SYNE2: variants seen among roughly 807,000 people sequenced by gnomAD.
The protein encoded by SYNE2 is nesprin-2.
SYNE2 carries 431 observed loss-of-function variants against 856.3 expected under a neutral mutation model. The ratio of observed to expected loss-of-function variants is 0.50; its 90% CI spans 0.47 to 0.55. The LOEUF is 0.55. Ranked by LOEUF, SYNE2 falls within the 20% of genes least tolerant of loss-of-function variation. The pLI is 0.00. For synonymous variants in SYNE2, 2,923 were observed against 2,872.3 expected, an observed-to-expected ratio of 1.02 and a Z score of -0.56; for missense variants, 8,129 against 8,023.2, an observed-to-expected ratio of 1.01 and a Z score of -0.50.
intron 94 of SYNE2, among the ~76,000 whole-genome samples, 154 bp from the exon 95 acceptor site, chr14:64,174,790 A>ATG (rs1417697822): frequency 6.6e-6 from 1 of 152,152 alleles, no homozygotes; most frequent in Admixed American, 6.5e-5. Flanking sequence ...TTAGCTTTTG[A>ATG]TGTGTGTGTG....
chr14:64,142,065 A>C lies in SYNE2; in HGVS notation c.15283A>C (p.Lys5095Gln). The change falls in exon 82 of 116, where the codon AAA becomes CAA. Residue 5095 changes from lysine (K) to glutamine (Q), a missense_variant. Physicochemically the swap from Lys to Gln is moderately conservative, Grantham distance 53 (BLOSUM62 1). This residue lies in a region of SYNE2 where 5,410 missense variants were observed against 5,284.8 expected (regional missense o/e 1.02). Transcript: ENST00000555002. ...TTCACCAAGTTCTGCATCTCAAGTT[A>C]AACATCTTCTTCAGAAGCACAAGGT... ...VHSPSSASQV[K>Q]HLLQKHKEFR... 1 of 1,614,156 alleles carries C rather than the reference A, an allele frequency of 6.2e-7. No homozygotes were observed. The highest frequency in any genetic ancestry group is 1.1e-5 in the South Asian group (1 of 91,080).
At chr14:63,922,000 G>A (rs1231352677) in intron 2 of SYNE2, among the ~76,000 whole-genome samples, 2 of 152,130 alleles carry the variant, frequency 1.3e-5, no homozygotes, top group East Asian at 1.9e-4. Flanking sequence ...TTCAATAGAT[G>A]TTTTGTTTTA....
Position 64,208,802 on chromosome 14 carries a change from C to T in SYNE2, c.18246C>T (p.Ser6082=), listed in dbSNP as rs371505187. Residue 6082 remains serine (S), a synonymous_variant, in exon 101 of 116, where the codon TCC becomes TCT. Coordinates refer to ENST00000555002, the MANE Select transcript of SYNE2 (RefSeq NM_182914.3). ...AACAACACAGCGCAGGGGTGGAGTC[C>T]GTGTTTAACATCTGTGACGTCCTAC... ...DIEQHSAGVE[S]VFNICDVLLH... is the part of the protein sequence containing the mutation. 9 of 1,614,058 alleles carry T rather than the reference C, an allele frequency of 5.6e-6. No homozygotes were observed. The highest frequency in any genetic ancestry group is 5.3e-5 in the African/African-American group (4 of 74,924).
At chr14:64,197,254 GA>G (rs1236866308) in intron 99 of SYNE2, 1 of 152,312 alleles carries the variant, frequency 6.6e-6, no homozygotes, top group East Asian at 1.9e-4. Context: ...GCCATCGGGG[GA>G]TGGGTTCTTT....
intron 54 of SYNE2, among the ~76,000 whole-genome samples, chr14:64,076,484 T>C (rs942349464): frequency 1.3e-5 from 2 of 152,170 alleles, no homozygotes; most frequent in Admixed American, 6.5e-5. Context: ...ACTAAGGCAA[T>C]AAGAATACAA....
intron 19 of SYNE2, among the ~76,000 whole-genome samples, chr14:63,989,610 T>TTAG (rs2096651887): frequency 6.6e-6 from 1 of 152,066 alleles, no homozygotes; most frequent in East Asian, 1.9e-4. Flanking sequence ...AGTGCTGGTA[T>TTAG]TACAGGCATG....
chr14:63,927,211 T>G (rs985838768), intron 2 of SYNE2, among the ~76,000 whole-genome samples: 5 of 152,164 alleles, frequency 3.3e-5, no homozygotes, highest in African/African-American at 1.2e-4. Flanking sequence ...GCAGGCAGAC[T>G]TGGTTGGCCA....
Position 64,000,554 on chromosome 14 carries a change from C to A in SYNE2, c.3481-8C>A. 2 of 1,610,886 alleles carry A rather than the reference C, an allele frequency of 1.2e-6. No individual in the cohort carries two copies. Among genetic ancestry groups the A allele is most frequent in the South Asian group, 2.2e-5 (2 of 90,846 alleles). On this transcript the variant is annotated splice_region_variant and splice_polypyrimidine_tract_variant and intron_variant, in intron 27 of 115. Coordinates refer to ENST00000555002, the MANE Select transcript of SYNE2 (RefSeq NM_182914.3). ...TAGTTGATAAATTAATTTATGTGTT[C>A]CATCTAGGTCATAAAAAATGAAACT...
chr14:63,894,986 T>G (rs1446310673), intron 1 of SYNE2, among the ~76,000 whole-genome samples: 1 of 152,248 alleles, frequency 6.6e-6, no homozygotes, highest in African/African-American at 2.4e-5. Flanking sequence ...TAGCATGTTG[T>G]CTACAAATTA....
chr14:63,967,541 T>C (rs543548586), intron 10 of SYNE2, among the ~76,000 whole-genome samples, 168 bp from the exon 11 acceptor site: 3 of 152,308 alleles, frequency 2.0e-5, no homozygotes, highest in Admixed American at 2.0e-4. Flanking sequence ...GTTATCACAG[T>C]GCACTGAAGA....
intron 6 of SYNE2, among the ~76,000 whole-genome samples, 155 bp from the exon 7 acceptor site, chr14:63,949,670 G>T (rs1268704407): frequency 1.3e-5 from 2 of 152,186 alleles, no homozygotes; most frequent in African/African-American, 2.4e-5. Flanking sequence ...CATGGCAGAT[G>T]CTGTTATTCA....
intron 30 of SYNE2, among the ~76,000 whole-genome samples, chr14:64,006,702 C>T (rs1340270922): frequency 6.6e-6 from 1 of 151,968 alleles, no homozygotes; most frequent in African/African-American, 2.4e-5. Flanking sequence ...GTGGTTCGCA[C>T]GTGTGGTACC....
intron 1 of SYNE2, among the ~76,000 whole-genome samples, chr14:63,902,967 TG>T (rs1377869176): frequency 8.5e-5 from 13 of 152,268 alleles, no homozygotes; most frequent in African/African-American, 3.1e-4. Flanking sequence ...TATGAGCCAC[TG>T]CACCTGGCCT....
intron 26 of SYNE2, among the ~76,000 whole-genome samples, 168 bp from the exon 27 acceptor site, chr14:63,998,746 A>G (rs2096732045): frequency 1.3e-5 from 2 of 152,136 alleles, no homozygotes; most frequent in African/African-American, 4.8e-5. Flanking sequence ...TAGTTTTAGT[A>G]GAGATGAGGT....
At chr14:64,194,188 T>G (rs1258199105) in intron 99 of SYNE2, among the ~76,000 whole-genome samples, 1 of 152,220 alleles carries the variant, frequency 6.6e-6, no homozygotes, top group African/African-American at 2.4e-5. Context: ...AGAACCCAAG[T>G]TGATTTGATG....
intron 66 of SYNE2, among the ~76,000 whole-genome samples, chr14:64,116,056 A>G (rs1225573870): frequency 1.3e-5 from 2 of 152,286 alleles, no homozygotes; most frequent in Non-Finnish European, 2.9e-5. Context: ...CTGTAGTCCC[A>G]GCTACCTGGG....
Position 64,025,207 on chromosome 14 carries a change from T to C in SYNE2, c.6038T>C (p.Met2013Thr). The C allele has an allele frequency of 6.2e-7, 1 of 1,614,102 alleles. No individual in the cohort carries two copies. Among genetic ancestry groups the C allele is most frequent in the Non-Finnish European group, 8.5e-7 (1 of 1,179,980 alleles). The change falls in exon 41 of 116, where the codon ATG becomes ACG. Residue 2013 changes from methionine to threonine, a missense_variant. This residue lies in a region of SYNE2 where 2,422 missense variants were observed against 2,357.4 expected (regional missense o/e 1.03). Coordinates refer to ENST00000555002, the MANE Select transcript of SYNE2 (RefSeq NM_182914.3). The stretch of plus-strand genomic sequence containing the variant: ...TTTACTGAAGAAGAAGAAATAATAA[T>C]GGAAGCAACATGTTTGATGGATAGA... ...YGFTEEEEII[M>T]EATCLMDRYQ...
At chr14:63,805,472 C>T (rs12882972) in intron 1 of SYNE2, among the ~76,000 whole-genome samples, 9,127 of 152,184 alleles carry the variant, frequency 0.06, 298 homozygotes, top group Middle Eastern at 0.099. Flanking sequence ...CTGCAAGCTC[C>T]GCCTCCCGGG....
chr14:63,771,227 G>A (rs1397133351), intron 1 of SYNE2, among the ~76,000 whole-genome samples: 5 of 151,006 alleles, frequency 3.3e-5, no homozygotes, highest in African/African-American at 9.7e-5. Flanking sequence ...CCACCATCAC[G>A]CCCGGCTATT....
Sources: gnomAD v4.1 joint callset for allele counts (sites outside exome capture counted in the v4.1 genomes callset) on GRCh38, gnomAD v4.1.1 for gene constraint, gnomAD v4.1.1 regional missense constraint, MANE v1.5 for transcripts, NCBI Gene and HGNC (gene_info 2026-07-23, HGNC 2026-07-21) for gene names.